FNTA: variants seen among roughly 807,000 people sequenced by gnomAD.
The protein encoded by FNTA is farnesyltransferase, CAAX box, subunit alpha.
FNTA carries 27 observed loss-of-function variants against 55.2 expected under a neutral mutation model. The ratio of observed to expected loss-of-function variants is 0.49; its 90% CI spans 0.36 to 0.67. The LOEUF (loss-of-function observed/expected upper bound fraction) is 0.67, where lower values mean the gene tolerates loss of function less well. Ranked by LOEUF, FNTA falls within the 30% of genes least tolerant of loss-of-function variation. FNTA has a pLI of 0.00. For synonymous variants in FNTA, 176 were observed against 170.7 expected (o/e 1.03, Z -0.24); for missense variants, 422 against 464.7 (o/e 0.91, Z 0.85).
At chr8:43,073,556 C>T (rs564287872) in intron 5 of FNTA, 1 of 152,252 alleles carries the variant, frequency 6.6e-6, no homozygotes, top group African/African-American at 2.4e-5. Flanking sequence ...CCTGCAATTT[C>T]CCCAAATGGG....
intron 3 of FNTA, among the ~76,000 whole-genome samples, chr8:43,067,646 CTT>C (rs58503449): frequency 1.2e-4 from 17 of 136,362 alleles, no homozygotes; most frequent in Admixed American, 3.7e-4. Context: ...GGGAAGTCTA[CTT>C]TTTTTTTTTT....
intron 5 of FNTA, chr8:43,076,926 C>G (rs1391195602): frequency 4.5e-6 from 1 of 223,454 alleles, no homozygotes; most frequent in African/African-American, 2.3e-5. Flanking sequence ...AAATTTATAT[C>G]TATACTGTGG....
chr8:43,071,682 G>A (rs1308766861), intron 4 of FNTA, among the ~76,000 whole-genome samples: 3 of 145,356 alleles, frequency 2.1e-5, no homozygotes, highest in African/African-American at 5.1e-5. Flanking sequence ...GAACAAGAGC[G>A]AGACTTCGTC....
intron 8 of FNTA, 106 bp from the exon 9 acceptor site, chr8:43,085,054 G>A (rs1169280353): frequency 2.6e-6 from 3 of 1,160,952 alleles, no homozygotes; most frequent in Non-Finnish European, 2.5e-6. Context: ...ACTCTTAATA[G>A]TGTGTCTTCA....
chr8:43,070,840 G>A (rs575585889), intron 4 of FNTA, among the ~76,000 whole-genome samples: 66 of 152,244 alleles, frequency 4.3e-4, no homozygotes, highest in Non-Finnish European at 9.6e-4. Flanking sequence ...CCTTAAATCC[G>A]AGAACATCAG....
intron 3 of FNTA, among the ~76,000 whole-genome samples, chr8:43,066,697 CT>C (rs2130550971): frequency 6.6e-6 from 1 of 151,972 alleles, no homozygotes; most frequent in Non-Finnish European, 1.5e-5. Context: ...TAATTCTTGA[CT>C]TTCTCTTTAT....
chr8:43,079,692 GAAAT>G (rs1810985927), intron 6 of FNTA: 1 of 152,148 alleles, frequency 6.6e-6, no homozygotes, highest in African/African-American at 2.4e-5. Context: ...CACTATTTAA[GAAAT>G]AAATTTTGTA....
chr8:43,058,278 A>G (rs897400382), intron 1 of FNTA, among the ~76,000 whole-genome samples: 2 of 152,194 alleles, frequency 1.3e-5, no homozygotes, highest in African/African-American at 2.4e-5. Context: ...TGCTCCAGCC[A>G]ATGTTACGAC....
chr8:43,072,730 TA>T (rs549753315), intron 5 of FNTA, among the ~76,000 whole-genome samples: 8 of 151,006 alleles, frequency 5.3e-5, no homozygotes, highest in African/African-American at 1.9e-4. Context: ...CTATCTATTT[TA>T]AAAAAAAACA....
chr8:43,067,990 C>T (rs1470290977), intron 3 of FNTA, among the ~76,000 whole-genome samples: 1 of 152,210 alleles, frequency 6.6e-6, no homozygotes, highest in Non-Finnish European at 1.5e-5. Flanking sequence ...ACTTCCGACT[C>T]CCGGCTTCAA....
At chr8:43,069,431 A>G in intron 3 of FNTA, 124 bp from the exon 4 acceptor site, 2 of 643,914 alleles carry the variant, frequency 3.1e-6, no homozygotes, top group African/African-American at 1.8e-5. Context: ...ATAATTGTTA[A>G]ATTATACAGA....
intron 5 of FNTA, among the ~76,000 whole-genome samples, chr8:43,075,730 C>T (rs760858762): frequency 6.6e-6 from 1 of 152,122 alleles, no homozygotes; most frequent in Non-Finnish European, 1.5e-5. Flanking sequence ...GCAAGAATAT[C>T]GCTTGAGTCT....
chr8:43,068,735 A>T (rs1040166767), intron 3 of FNTA, among the ~76,000 whole-genome samples: 1 of 152,126 alleles, frequency 6.6e-6, no homozygotes, highest in African/African-American at 2.4e-5. Context: ...TTTTTGAGAC[A>T]GAGTTTTGCT....
chr8:43,064,247 T>A (rs370206865), intron 3 of FNTA, 32 bp downstream of exon 3: 411 of 1,286,204 alleles, frequency 3.2e-4, no homozygotes, highest in South Asian at 5.2e-4. Flanking sequence ...TATTCCCTGC[T>A]TAAATGTTTT....
chr8:43,065,693 A>G (rs1810639808), intron 3 of FNTA, among the ~76,000 whole-genome samples: 1 of 151,178 alleles, frequency 6.6e-6, no homozygotes, highest in Non-Finnish European at 1.5e-5. Context: ...CTTCAGTTTC[A>G]TTTTTCTCTT....
chr8:43,070,262 T>C (rs1055454425), intron 4 of FNTA: 1 of 151,594 alleles, frequency 6.6e-6, no homozygotes, highest in Non-Finnish European at 1.5e-5. Context: ...GAGCTGAGAT[T>C]GCACCACTGC....
Position 43,083,169 on chromosome 8 carries a change from C to T in FNTA, c.834C>T (p.Asn278=), listed in dbSNP as rs1312525738. The part of the protein sequence containing the change: ...KLVPHNESAW[N]YLKGILQDRG... Reference sequence around the variant, plus strand: ...TACCACATAATGAAAGTGCATGGAACTATTTGAAAGGGTAAGAGGTTGTTT... The same window carrying T: ...TACCACATAATGAAAGTGCATGGAATTATTTGAAAGGGTAAGAGGTTGTTT... The change falls in exon 7 of 9, where the codon AAC becomes AAT. Residue 278 remains asparagine, a synonymous_variant. Coordinates refer to ENST00000302279, the MANE Select transcript of FNTA (RefSeq NM_002027.3). 1 of 1,586,612 alleles carries T rather than the reference C, an allele frequency of 6.3e-7. No homozygotes were observed. Among genetic ancestry groups the T allele is most frequent in the Non-Finnish European group, 8.6e-7 (1 of 1,168,458 alleles).
intron 5 of FNTA, among the ~76,000 whole-genome samples, chr8:43,072,646 G>A (rs2130559995): frequency 6.6e-6 from 1 of 152,142 alleles, no homozygotes; most frequent in East Asian, 1.9e-4. Context: ...AGGATTGCTT[G>A]AGCCCAAGAA....
rs771503074 is a variant in FNTA, at chr8:43,060,775, CA to C, written c.286+1601del. Among the ~76,000 whole-genome samples, 45 of 151,952 alleles carry C rather than the reference CA, an allele frequency of 3.0e-4. 1 individual carries two copies. Among genetic ancestry groups the C allele is most frequent in the Admixed American group, 5.9e-4 (9 of 15,246 alleles). On this transcript the variant is annotated intron_variant, in intron 2 of 8. Transcript: ENST00000302279. ...GTTTGACCTGTCAACCGTTTATAGACAAATATATCAATTTAAAACTTACACA... is the reference window on the plus strand; with the variant it reads ...GTTTGACCTGTCAACCGTTTATAGACAATATATCAATTTAAAACTTACACA...
Sources: allele counts gnomAD v4.1 joint callset (sites outside exome capture counted in the v4.1 genomes callset), GRCh38; gene constraint gnomAD v4.1.1; transcripts MANE v1.5; gene names NCBI Gene and HGNC (gene_info 2026-07-23, HGNC 2026-07-21).